PRKCA: variants seen among roughly 807,000 people sequenced by gnomAD.
PRKCA encodes protein kinase C alpha type.
A neutral mutation model predicts 87.0 loss-of-function variants in PRKCA; 27 were observed. That is an observed-to-expected ratio of 0.31 (90% CI 0.23 to 0.43). The LOEUF (loss-of-function observed/expected upper bound fraction) is 0.43. Among genes scored for constraint, PRKCA ranks in the 20% least tolerant of loss-of-function variants. The pLI is 1.00. For missense variants in PRKCA, 518 were observed against 852.3 expected (o/e 0.61, Z 4.88); for synonymous variants, 329 against 311.1 (o/e 1.06, Z -0.61).
At chr17:66,660,767 G>A (rs1461551532) in intron 5 of PRKCA, among the ~76,000 whole-genome samples, 1 of 151,878 alleles carries the variant, frequency 6.6e-6, no homozygotes. Context: ...AAATTAGCCG[G>A]GTGTGGTGGC....
chr17:66,662,542 C>G (rs1369366630), intron 5 of PRKCA, among the ~76,000 whole-genome samples: 1 of 152,082 alleles, frequency 6.6e-6, no homozygotes, highest in Non-Finnish European at 1.5e-5. Context: ...TCAATTTAGT[C>G]TCTCTTTAGT....
At chr17:66,406,584 G>GTTTTTTTTTTTT (rs1242757426) in intron 2 of PRKCA, among the ~76,000 whole-genome samples, 6 of 21,290 alleles carry the variant, frequency 2.8e-4, no homozygotes, top group Non-Finnish European at 8.0e-4. Context: ...AGCTTTTCCA[G>GTTTTTTTTTTTT]GTTTTTTTTT....
chr17:66,587,895 G>GTATATA lies in PRKCA; in HGVS notation c.289-53428_289-53423dup, dbSNP rs71160580. Among the ~76,000 whole-genome samples the GTATATA allele has an allele frequency of 4.0e-3, 344 of 85,286 alleles. 9 individuals carry two copies. Among genetic ancestry groups the GTATATA allele is most frequent in the East Asian group, 0.023 (65 of 2,844 alleles). 56.0% of individuals were successfully genotyped at this position (85,286 alleles called of 152,430 possible). ...TGTGTGTGTGTGTGTGTGTGTGTGT[G>GTATATA]TATATATATATATATATATATATAT... On this transcript the variant is annotated intron_variant, in intron 3 of 16. Transcript: ENST00000413366.
chr17:66,512,016 A>C (rs1020684232), intron 3 of PRKCA, among the ~76,000 whole-genome samples: 3 of 152,152 alleles, frequency 2.0e-5, no homozygotes, highest in African/African-American at 4.8e-5. Context: ...CGGCAGCCAG[A>C]CAATGAGAGA....
chr17:66,697,562 AT>A (rs1434359938), intron 8 of PRKCA, among the ~76,000 whole-genome samples: 15 of 152,336 alleles, frequency 9.8e-5, no homozygotes, highest in Admixed American at 2.0e-4. Context: ...AAGCAAGAGC[AT>A]AGTAAGTAAG....
At chr17:66,388,150 C>T (rs112795216) in intron 2 of PRKCA, among the ~76,000 whole-genome samples, 8 of 149,106 alleles carry the variant, frequency 5.4e-5, no homozygotes, top group African/African-American at 1.2e-4. Context: ...TGAGCCTGGA[C>T]GTGTCATGAC....
chr17:66,801,242 G>A (rs1265901111), intron 16 of PRKCA, among the ~76,000 whole-genome samples: 1 of 152,218 alleles, frequency 6.6e-6, no homozygotes, highest in Non-Finnish European at 1.5e-5. Context: ...GAGTTTCTCA[G>A]CAGCAGGTAC....
chr17:66,371,022 C>T (rs1683082260), intron 2 of PRKCA, among the ~76,000 whole-genome samples: 1 of 152,170 alleles, frequency 6.6e-6, no homozygotes, highest in South Asian at 2.1e-4. Context: ...AAATCACATC[C>T]TGTTTATTTC....
intron 3 of PRKCA, among the ~76,000 whole-genome samples, chr17:66,607,613 C>T (rs1224972932): frequency 6.6e-6 from 1 of 152,196 alleles, no homozygotes; most frequent in Non-Finnish European, 1.5e-5. Context: ...GTAGCAACAT[C>T]TGGTTCCTTA....
intron 2 of PRKCA, among the ~76,000 whole-genome samples, chr17:66,347,310 G>A (rs897030260): frequency 1.3e-5 from 2 of 152,124 alleles, no homozygotes; most frequent in African/African-American, 4.8e-5. Context: ...AGCTGCTTCT[G>A]CTTCAATCTG....
chr17:66,713,799 C>G (rs567517233), intron 8 of PRKCA, among the ~76,000 whole-genome samples: 2 of 152,106 alleles, frequency 1.3e-5, no homozygotes, highest in Non-Finnish European at 2.9e-5. Flanking sequence ...GAGTCTGGCC[C>G]CCAGTCACTG....
At chr17:66,485,688 C>CT (rs1555610043) in intron 2 of PRKCA, among the ~76,000 whole-genome samples, 2 of 152,064 alleles carry the variant, frequency 1.3e-5, no homozygotes, top group Non-Finnish European at 1.5e-5. Context: ...GACCTACATG[C>CT]TTATAGATGT....
In PRKCA at chr17:66,577,788, C is replaced by T. The variant is rs993138085; in HGVS notation, c.289-63567C>T. Among the ~76,000 whole-genome samples the T allele has an allele frequency of 2.6e-5, 4 of 152,172 alleles. No individual in the cohort carries two copies. The East Asian group carries it at 5.8e-4, about 22-fold the overall frequency. ...ACTTCACCTTAGCCAGAAGTCCCTG[C>T]CACATTTATCCTTAGATCAGAGAAT... On this transcript the variant is annotated intron_variant, in intron 3 of 16. Transcript: ENST00000413366.
chr17:66,444,133 A>G (rs1014329533), intron 2 of PRKCA, among the ~76,000 whole-genome samples: 1 of 152,174 alleles, frequency 6.6e-6, no homozygotes, highest in Admixed American at 6.5e-5. Context: ...AAGCTGAGTA[A>G]ATACTCATGG....
At chr17:66,344,204 G>A (rs987658081) in intron 2 of PRKCA, among the ~76,000 whole-genome samples, 3 of 152,134 alleles carry the variant, frequency 2.0e-5, no homozygotes, top group Non-Finnish European at 2.9e-5. Context: ...AGTTTGAAGT[G>A]CTCCTAGGAG....
chr17:66,437,741 G>GTTTTTTTT (rs1913483503), intron 2 of PRKCA, among the ~76,000 whole-genome samples: 1 of 42,850 alleles, frequency 2.3e-5, no homozygotes, highest in Non-Finnish European at 5.9e-5. Flanking sequence ...TGAGCGGGGG[G>GTTTTTTTT]TGGGTGGGGC....
intron 3 of PRKCA, among the ~76,000 whole-genome samples, chr17:66,575,561 CA>C (rs1969215428): frequency 6.6e-6 from 1 of 152,118 alleles, no homozygotes; most frequent in Non-Finnish European, 1.5e-5. Context: ...GCCTGGGTGA[CA>C]AGAGCGAAAC....
intron 3 of PRKCA, among the ~76,000 whole-genome samples, chr17:66,513,776 G>T (rs1430884987): frequency 6.6e-6 from 1 of 152,162 alleles, no homozygotes; most frequent in Non-Finnish European, 1.5e-5. Flanking sequence ...ATGATGCTAG[G>T]TGCAAAAGCT....
chr17:66,808,302 T>C lies in PRKCA; in HGVS notation c.*4265T>C, dbSNP rs1190099180. On this transcript the variant is annotated 3_prime_UTR_variant, in exon 17 of 17. Transcript: ENST00000413366. ...ACTTAGCAGGAGACATTTCGGAGGG[T>C]TTTTTTTGTTTTTGTTCCTGTTTTT... 7.0e-6 allele frequency: 1 copy of C among 143,188 alleles called. No homozygotes were observed. Among genetic ancestry groups the C allele is most frequent in the African/African-American group, 2.7e-5 (1 of 36,558 alleles). The allele number at this position is 143,188 out of a possible 1,614,324, so 8.9% of individuals were successfully genotyped here. A position where few individuals can be genotyped will look rare whatever the true frequency, so the allele number is the denominator to read the frequency against.
Sources: allele counts gnomAD v4.1 joint callset (sites outside exome capture counted in the v4.1 genomes callset), GRCh38; gene constraint gnomAD v4.1.1; transcripts MANE v1.5; gene names NCBI Gene and HGNC (gene_info 2026-07-23, HGNC 2026-07-21).